VAV3: variants seen among roughly 807,000 people sequenced by gnomAD.
VAV3 encodes vav guanine nucleotide exchange factor 3, also known as guanine nucleotide exchange factor VAV3.
VAV3 carries 94 observed loss-of-function variants against 131.2 expected under a neutral mutation model. That is an observed-to-expected ratio of 0.72 (90% CI 0.61 to 0.85). The LOEUF is 0.85. Among genes scored for constraint, VAV3 ranks in the 40% least tolerant of loss-of-function variants. VAV3 has a pLI of 0.00. For synonymous variants in VAV3, 349 were observed against 342.0 expected (o/e 1.02, Z -0.22); for missense variants, 939 against 1,002.7 (o/e 0.94, Z 0.86).
Position 107,573,267 on chromosome 1 carries a change from GT to G in VAV3, c.*63del. On this transcript the variant is annotated 3_prime_UTR_variant, in exon 27 of 27. Coordinates refer to ENST00000370056, the MANE Select transcript of VAV3 (RefSeq NM_006113.5). ...AACACTTCAGTTAATTCACGATGCTGTGCAGGCTTCTATTTATCCCTTCTCT... is the reference window on the plus strand; with the variant it reads ...AACACTTCAGTTAATTCACGATGCTGGCAGGCTTCTATTTATCCCTTCTCT... 6.3e-7 allele frequency: 1 copy of G among 1,577,422 alleles called. No homozygotes were observed. Among genetic ancestry groups the G allele is most frequent in the Non-Finnish European group, 8.7e-7 (1 of 1,153,050 alleles).
chr1:107,872,303 T>C (rs1189616069), intron 2 of VAV3, among the ~76,000 whole-genome samples: 2 of 152,164 alleles, frequency 1.3e-5, no homozygotes, highest in Non-Finnish European at 2.9e-5. Flanking sequence ...CTTCAAAGGC[T>C]ATAAAAACAC....
intron 1 of VAV3, among the ~76,000 whole-genome samples, chr1:107,945,822 CAA>C (rs36155213): frequency 1.2e-3 from 15 of 12,680 alleles, no homozygotes; most frequent in Non-Finnish European, 1.7e-3. Context: ...AACTCCGACT[CAA>C]AAAAAAAAAA....
At chr1:107,910,227 C>A (rs1672303033) in intron 1 of VAV3, among the ~76,000 whole-genome samples, 1 of 152,150 alleles carries the variant, frequency 6.6e-6, no homozygotes, top group Non-Finnish European at 1.5e-5. Context: ...TACCAATACC[C>A]AATCTAAGCT....
At chr1:107,786,293 A>G (rs17020031) in intron 2 of VAV3, among the ~76,000 whole-genome samples, 2,453 of 152,268 alleles carry the variant, frequency 0.016, 61 homozygotes, top group African/African-American at 0.056. Flanking sequence ...TTCAAAAGTG[A>G]AACTACAGAG....
At chr1:107,919,612 G>A (rs1461974890) in intron 1 of VAV3, among the ~76,000 whole-genome samples, 2 of 151,940 alleles carry the variant, frequency 1.3e-5, no homozygotes, top group African/African-American at 4.8e-5. Context: ...GGATAGAGAG[G>A]GGAATATATA....
intron 19 of VAV3, among the ~76,000 whole-genome samples, chr1:107,653,753 T>C (rs1170614588): frequency 6.6e-6 from 1 of 151,972 alleles, no homozygotes; most frequent in Non-Finnish European, 1.5e-5. Flanking sequence ...GCTAACTATG[T>C]GTCTTCATTT....
rs1366531554 is a variant in VAV3, at chr1:107,668,934, G to A, written c.1777+14554C>T. 1.2e-5 allele frequency: 12 copies of A among 988,002 alleles called. No homozygotes were observed. The Admixed American group carries it at 4.8e-4, about 39-fold the overall frequency. The allele number at this position is 988,002 out of a possible 1,614,324, so 61.2% of individuals were successfully genotyped here. A position where few individuals can be genotyped will look rare whatever the true frequency, so the allele number is the denominator to read the frequency against. On this transcript the variant is annotated intron_variant, in intron 19 of 26. Coordinates refer to ENST00000370056, the MANE Select transcript of VAV3 (RefSeq NM_006113.5). ...TAGTTCACAAGCTACTTATCTCAAC[G>A]TGTTTATTTGAATTCTCTTCAACTC...
At chr1:107,904,024 C>A (rs2101096777) in intron 1 of VAV3, among the ~76,000 whole-genome samples, 1 of 152,240 alleles carries the variant, frequency 6.6e-6, no homozygotes, top group Middle Eastern at 3.4e-3. Flanking sequence ...TTCTTCCTGG[C>A]TAACCTATCC....
chr1:107,819,199 T>C (rs768174075), intron 2 of VAV3, among the ~76,000 whole-genome samples: 1 of 152,200 alleles, frequency 6.6e-6, no homozygotes, highest in Non-Finnish European at 1.5e-5. Context: ...ATTATATCAA[T>C]ATCAACCTCT....
chr1:107,889,132 A>AGTGTGAGTGTGTGTGTGT (rs1671188813), intron 1 of VAV3, among the ~76,000 whole-genome samples: 1 of 141,926 alleles, frequency 7.0e-6, no homozygotes, highest in South Asian at 2.3e-4. Flanking sequence ...TCCTGTGTAG[A>AGTGTGAGTGTGTGTGTGT]GTGTGTGTGT....
intron 1 of VAV3, among the ~76,000 whole-genome samples, chr1:107,955,010 T>C (rs1206130695): frequency 3.3e-5 from 5 of 152,236 alleles, no homozygotes; most frequent in Admixed American, 3.3e-4. Flanking sequence ...TGGAAAGCTT[T>C]AGTAACTGCC....
At chr1:107,775,354 G>A (rs967528460) in intron 4 of VAV3, among the ~76,000 whole-genome samples, 8 of 152,076 alleles carry the variant, frequency 5.3e-5, no homozygotes, top group African/African-American at 7.2e-5. Context: ...ACCAAGGCAG[G>A]TGGATCATGA....
chr1:107,665,322 A>T (rs561732479), intron 19 of VAV3, among the ~76,000 whole-genome samples: 1 of 152,280 alleles, frequency 6.6e-6, no homozygotes, highest in Non-Finnish European at 1.5e-5. Flanking sequence ...GGGATAATTT[A>T]AAAACAATAA....
chr1:107,693,806 T>C (rs1659584792), intron 17 of VAV3, among the ~76,000 whole-genome samples: 1 of 152,164 alleles, frequency 6.6e-6, no homozygotes, highest in Admixed American at 6.5e-5. Flanking sequence ...GCATATAATC[T>C]AACAGGGGTA....
At chr1:107,621,336 C>A (rs1001840236) in intron 20 of VAV3, among the ~76,000 whole-genome samples, 1 of 151,992 alleles carries the variant, frequency 6.6e-6, no homozygotes, top group African/African-American at 2.4e-5. Context: ...GTCTTATCAG[C>A]TTTAGCTATA....
At chr1:107,893,635 T>C (rs929755507) in intron 1 of VAV3, among the ~76,000 whole-genome samples, 1 of 152,086 alleles carries the variant, frequency 6.6e-6, no homozygotes, top group Non-Finnish European at 1.5e-5. Flanking sequence ...ATGAGACTTA[T>C]TCACTCACAT....
In VAV3 at chr1:107,572,801, T is replaced by C. The variant is rs1649350032; in HGVS notation, c.*530A>G. 1 of 153,032 alleles carries C rather than the reference T, an allele frequency of 6.5e-6. No individual in the cohort carries two copies. The highest frequency in any genetic ancestry group is 2.4e-5 in the African/African-American group (1 of 41,454). The allele number at this position is 153,032 out of a possible 1,614,324, so 9.5% of individuals were successfully genotyped here. On this transcript the variant is annotated 3_prime_UTR_variant, in exon 27 of 27. Coordinates refer to ENST00000370056, the MANE Select transcript of VAV3 (RefSeq NM_006113.5). ...GAGGGTAAAAGTGTTTGCCGGGCAA[T>C]GAGTCACCTTGTTGGACAATTTAAG...
At chr1:107,703,006 T>A (rs960491167) in intron 17 of VAV3, among the ~76,000 whole-genome samples, 2 of 152,154 alleles carry the variant, frequency 1.3e-5, no homozygotes, top group African/African-American at 4.8e-5. Context: ...AAAGCTAGCA[T>A]TTCAACCATC....
At chr1:107,582,987 C>T (rs1445304347) in intron 25 of VAV3, among the ~76,000 whole-genome samples, 3 of 152,172 alleles carry the variant, frequency 2.0e-5, no homozygotes, top group Non-Finnish European at 4.4e-5. Context: ...GGAATTGCCA[C>T]ACTGACTTCC....
Sources: allele counts gnomAD v4.1 joint callset (sites outside exome capture counted in the v4.1 genomes callset), GRCh38; gene constraint gnomAD v4.1.1; transcripts MANE v1.5; gene names NCBI Gene and HGNC (gene_info 2026-07-23, HGNC 2026-07-21).